The following PARD3 variants were observed in gnomAD, a reference collection of about 807,000 sequenced individuals.
PARD3 encodes the protein partitioning defective 3 homolog.
Under a neutral mutation model 155.4 loss-of-function variants are expected in PARD3, and 75 were observed. The ratio of observed to expected loss-of-function variants is 0.48; its 90% CI spans 0.40 to 0.58. The LOEUF is 0.58. Ranked by LOEUF, PARD3 falls within the 20% of genes least tolerant of loss-of-function variation. The pLI is 0.00. For missense variants in PARD3, 1,642 were observed against 1,721.7 expected (o/e 0.95, Z 0.82); for synonymous variants, 576 against 610.5 (o/e 0.94, Z 0.83).
rs548745186 is a variant in PARD3 at position 34,799,127 on chromosome 10, C to T, written c.120+15749G>A. Among the ~76,000 whole-genome samples, 163 of 152,266 alleles carry T rather than the reference C, an allele frequency of 1.1e-3. 1 individual carries two copies. Among genetic ancestry groups the T allele is most frequent in the Admixed American group, 2.4e-3 (36 of 15,296 alleles). ...CGCAATCTCGGCTCACTGCAACCTCCACCTCCCGGGATCAAGCGATTCTCC... is the reference window on the plus strand; with the variant it reads ...CGCAATCTCGGCTCACTGCAACCTCTACCTCCCGGGATCAAGCGATTCTCC... On this transcript the variant is annotated intron_variant, in intron 1 of 24. Coordinates refer to ENST00000374788, the MANE Select transcript of PARD3 (RefSeq NM_001184785.2).
At position 34,413,180 on chromosome 10, in the gene PARD3, C is replaced by CACACACACACACACACAT. The variant is rs775445941; in HGVS notation, c.715-11264_715-11263insATGTGTGTGTGTGTGTGT. The stretch of plus-strand genomic sequence containing the variant: ...ACACACACACACACACACACACACA[C>CACACACACACACACACAT]ATATATATAAGACTTTGTAACTGAT... On this transcript the variant is annotated intron_variant, in intron 5 of 24. Transcript: ENST00000374788. Among the ~76,000 whole-genome samples, 203 of 145,212 alleles carry CACACACACACACACACAT rather than the reference C, an allele frequency of 1.4e-3. 1 individual carries two copies. The highest frequency in any genetic ancestry group is 4.7e-3 in the African/African-American group (188 of 39,600).
At chr10:34,516,860 A>G in intron 3 of PARD3, 119 bp downstream of exon 3, 1 of 990,856 alleles carries the variant, frequency 1.0e-6, no homozygotes, top group African/African-American at 1.6e-5. Context: ...TGGGTCCTAA[A>G]CTTAATTTTT....
intron 14 of PARD3, among the ~76,000 whole-genome samples, chr10:34,355,746 G>A (rs746361736): frequency 2.0e-5 from 3 of 151,812 alleles, no homozygotes; most frequent in African/African-American, 4.8e-5. Flanking sequence ...GACCAACATG[G>A]TGAAACCCCA....
In PARD3 at chr10:34,334,338, C is replaced by A. The variant is rs371174750; in HGVS notation, c.2605+1861G>T. On this transcript the variant is annotated intron_variant, in intron 18 of 24. Transcript: ENST00000374788. ...TTTCCTATTCCTACTTAGTAATATC[C>A]CTCTTGCCAAAAAAAAAAAAAAAAA... 5.1e-3 allele frequency among the ~76,000 whole-genome samples: 663 copies of A among 130,458 alleles called. 6 individuals are homozygous for A. Among genetic ancestry groups the A allele is most frequent in the African/African-American group, 0.018 (628 of 35,128 alleles). 85.6% of individuals were successfully genotyped at this position (130,458 alleles called of 152,430 possible).
At chr10:34,414,171 TTGGGTGACAGAGCGACTCCAGCC>T (rs1387146562) in intron 5 of PARD3, among the ~76,000 whole-genome samples, 1 of 151,134 alleles carries the variant, frequency 6.6e-6, no homozygotes, top group African/African-American at 2.4e-5. Flanking sequence ...GCACTCCAGC[TTGGGTGACAGAGCGACTCCAGCC>T]TGGGTGACAG....
At chr10:34,635,775 T>G (rs2092447925) in intron 2 of PARD3, among the ~76,000 whole-genome samples, 1 of 152,200 alleles carries the variant, frequency 6.6e-6, no homozygotes, top group African/African-American at 2.4e-5. Flanking sequence ...GAGCTGGACT[T>G]CTATAAATAC....
intron 7 of PARD3, 150 bp downstream of exon 7, chr10:34,399,180 C>T (rs1843643195): frequency 1.6e-6 from 1 of 619,298 alleles, no homozygotes; most frequent in African/African-American, 1.8e-5. Flanking sequence ...GTGATTATGA[C>T]ATATATATAG....
intron 22 of PARD3, among the ~76,000 whole-genome samples, chr10:34,197,161 T>G (rs538225830): frequency 2.0e-5 from 3 of 152,318 alleles, no homozygotes; most frequent in Admixed American, 1.3e-4. Flanking sequence ...AGTGTGTGTA[T>G]GTACACACAC....
intron 2 of PARD3, among the ~76,000 whole-genome samples, chr10:34,636,503 C>T (rs555166766): frequency 6.6e-6 from 1 of 152,296 alleles, no homozygotes; most frequent in South Asian, 2.1e-4. Flanking sequence ...GACACATGAA[C>T]CCAGACAGTT....
intron 5 of PARD3, among the ~76,000 whole-genome samples, chr10:34,418,610 T>A (rs1051902742): frequency 6.6e-6 from 1 of 152,202 alleles, no homozygotes; most frequent in Non-Finnish European, 1.5e-5. Context: ...TGATTATTAA[T>A]CTTTAGAAAA....
intron 1 of PARD3, among the ~76,000 whole-genome samples, chr10:34,780,500 G>A (rs1840114095): frequency 6.6e-6 from 1 of 152,182 alleles, no homozygotes. Context: ...TCAGAAAAAT[G>A]TCTTATGAGC....
At chr10:34,732,141 C>A (rs572264361) in intron 1 of PARD3, among the ~76,000 whole-genome samples, 1 of 152,242 alleles carries the variant, frequency 6.6e-6, no homozygotes, top group East Asian at 1.9e-4. Flanking sequence ...GATATGCACT[C>A]TTTCAACCTG....
chr10:34,756,150 C>CTT (rs58993670), intron 1 of PARD3, among the ~76,000 whole-genome samples: 48,493 of 94,482 alleles, frequency 0.51, 15,560 homozygotes, highest in Non-Finnish European at 0.66. Flanking sequence ...AAAAATGCAC[C>CTT]TTTTTTTTTT....
chr10:34,593,978 T>C (rs1056674062), intron 2 of PARD3, among the ~76,000 whole-genome samples: 19 of 152,172 alleles, frequency 1.2e-4, no homozygotes, highest in Non-Finnish European at 2.8e-4. Context: ...AGAGGAATAA[T>C]GGGGCATGGT....
rs1287584181 is a variant in PARD3, at chr10:34,414,683, A to C, written c.715-12766T>G. 2.6e-5 allele frequency among the ~76,000 whole-genome samples: 4 copies of C among 151,998 alleles called. No individual in the cohort carries two copies. The South Asian group carries it at 6.2e-4, about 24-fold the overall frequency. The stretch of plus-strand genomic sequence containing the variant: ...AAAAAATTAAAAGAAAAAAATAAAC[A>C]ATCTATTATATATTTCAAAATAGAA... On this transcript the variant is annotated intron_variant, in intron 5 of 24. Transcript: ENST00000374788.
At chr10:34,340,477 C>A (rs1409557175) in intron 16 of PARD3, among the ~76,000 whole-genome samples, 1 of 152,116 alleles carries the variant, frequency 6.6e-6, no homozygotes. Flanking sequence ...CAAAGATGGG[C>A]CATTATCATA....
At chr10:34,766,777 C>CACAATTACACTATT (rs1838160708) in intron 1 of PARD3, among the ~76,000 whole-genome samples, 1 of 152,102 alleles carries the variant, frequency 6.6e-6, no homozygotes, top group South Asian at 2.1e-4. Flanking sequence ...GACAACTATG[C>CACAATTACACTATT]ACACAATTAC....
chr10:34,537,857 G>A (rs1032511501), intron 2 of PARD3, among the ~76,000 whole-genome samples: 2 of 152,192 alleles, frequency 1.3e-5, no homozygotes, highest in African/African-American at 4.8e-5. Flanking sequence ...AAAACTAAAA[G>A]CAAGCTTCAT....
intron 1 of PARD3, among the ~76,000 whole-genome samples, chr10:34,767,485 C>T (rs924329984): frequency 1.3e-5 from 2 of 152,038 alleles, no homozygotes; most frequent in African/African-American, 4.8e-5. Flanking sequence ...TGACGGACTC[C>T]GTGACTTTTT....
Sources: allele counts gnomAD v4.1 joint callset (sites outside exome capture counted in the v4.1 genomes callset), GRCh38; gene constraint gnomAD v4.1.1; transcripts MANE v1.5; gene names NCBI Gene and HGNC (gene_info 2026-07-23, HGNC 2026-07-21).